The following GAB1 variants were observed in gnomAD, a reference collection of about 807,000 sequenced individuals.
GAB1 encodes GRB2-associated-binding protein 1.
A neutral mutation model predicts 66.5 loss-of-function variants in GAB1; 19 were observed. That is an observed-to-expected ratio of 0.29 (90% confidence interval 0.20 to 0.42). The LOEUF (loss-of-function observed/expected upper bound fraction) is 0.42, where lower values mean the gene tolerates loss of function less well. Among genes scored for constraint, GAB1 ranks in the 10% least tolerant of loss-of-function variants. The probability of loss-of-function intolerance (pLI) is 1.00; values close to 1 mark genes in which losing one functional copy is unlikely to be tolerated. For missense variants in GAB1, 732 were observed against 858.5 expected (o/e 0.85, Z 1.84); for synonymous variants, 294 against 301.4 (o/e 0.98, Z 0.25).
intron 2 of GAB1, among the ~76,000 whole-genome samples, chr4:143,428,171 C>T (rs965865946): frequency 3.9e-5 from 6 of 152,244 alleles, no homozygotes; most frequent in Non-Finnish European, 8.8e-5. Context: ...GGATAAGTCA[C>T]ACTCACCTGA....
chr4:143,363,787 C>A (rs1427478647), intron 1 of GAB1, among the ~76,000 whole-genome samples: 1 of 152,116 alleles, frequency 6.6e-6, no homozygotes, highest in Non-Finnish European at 1.5e-5. Context: ...GCTGCCTTTG[C>A]TCTGGTGGTC....
rs543025689 is a variant in GAB1 at position 143,435,662 on chromosome 4, G to T, written c.593+1946G>T. The stretch of plus-strand genomic sequence containing the variant: ...CACTATGTGCCCAATATTATGCTAG[G>T]TGCTATGAAGGTACAAACTATATAA... On this transcript the variant is annotated intron_variant, in intron 3 of 9. Transcript: ENST00000262994. Among the ~76,000 whole-genome samples, 35 of 152,272 alleles carry T rather than the reference G, an allele frequency of 2.3e-4. No individual in the cohort carries two copies. In the South Asian group the frequency reaches 4.8e-3, roughly 21 times the overall value.
intron 1 of GAB1, among the ~76,000 whole-genome samples, chr4:143,348,630 C>T (rs1252371242): frequency 6.6e-6 from 1 of 152,270 alleles, no homozygotes; most frequent in African/African-American, 2.4e-5. Context: ...CTTATCAAGG[C>T]AGCCAGAGTG....
intron 3 of GAB1, chr4:143,434,056 C>A: frequency 8.9e-7 from 1 of 1,125,304 alleles, no homozygotes; most frequent in Non-Finnish European, 1.2e-6. Flanking sequence ...AAATGGTGAT[C>A]TTGCTCCATT....
intron 1 of GAB1, among the ~76,000 whole-genome samples, chr4:143,350,602 C>T (rs995788569): frequency 2.0e-5 from 3 of 147,422 alleles, no homozygotes; most frequent in Non-Finnish European, 3.0e-5. Flanking sequence ...CGCTTGAACC[C>T]GGGAGGCGGA....
intron 6 of GAB1, among the ~76,000 whole-genome samples, chr4:143,454,539 A>G (rs1299296652): frequency 6.6e-6 from 1 of 152,216 alleles, no homozygotes; most frequent in Non-Finnish European, 1.5e-5. Context: ...GGAGCTGGCA[A>G]GATCTGATTG....
intron 2 of GAB1, chr4:143,417,340 G>T: frequency 2.8e-6 from 1 of 356,152 alleles, no homozygotes; most frequent in Non-Finnish European, 5.4e-6. Context: ...CCTGGAAAGA[G>T]CTGAGTGACT....
chr4:143,431,942 GAA>G, intron 2 of GAB1, among the ~76,000 whole-genome samples: 1 of 144,562 alleles, frequency 6.9e-6, no homozygotes, highest in South Asian at 2.2e-4. Flanking sequence ...TCTGAAAAAA[GAA>G]AAAAAAAAGG....
chr4:143,356,623 C>G (rs186052006), intron 1 of GAB1, among the ~76,000 whole-genome samples: 2 of 152,284 alleles, frequency 1.3e-5, no homozygotes, highest in East Asian at 1.9e-4. Flanking sequence ...TCAGTAATCT[C>G]AGTTAGCAAG....
At chr4:143,410,025 G>T (rs1383112566) in intron 1 of GAB1, among the ~76,000 whole-genome samples, 1 of 151,096 alleles carries the variant, frequency 6.6e-6, no homozygotes, top group Non-Finnish European at 1.5e-5. Context: ...CTACAATTTA[G>T]TTGGCTTAAG....
rs1381947021 is a variant in GAB1, at chr4:143,353,832, C to G, written c.72+16572C>G. 4.6e-5 allele frequency among the ~76,000 whole-genome samples: 7 copies of G among 152,294 alleles called. No individual in the cohort carries two copies. In the South Asian group the frequency reaches 1.4e-3, roughly 32 times the overall value. The stretch of plus-strand genomic sequence containing the variant: ...TAGAAACCCAGGTTGTACTTTAGAA[C>G]TTTTCACCACTATAGTATATTAACT... On this transcript the variant is annotated intron_variant, in intron 1 of 9. Transcript: ENST00000262994.
intron 6 of GAB1, among the ~76,000 whole-genome samples, chr4:143,452,052 G>A (rs955381631): frequency 4.6e-5 from 7 of 152,098 alleles, no homozygotes; most frequent in Non-Finnish European, 8.8e-5. Flanking sequence ...CTAGCTTTAC[G>A]TTTTGCCTTG....
intron 3 of GAB1, 110 bp downstream of exon 3, chr4:143,433,826 G>T: frequency 2.3e-6 from 2 of 854,996 alleles, no homozygotes; most frequent in South Asian, 1.6e-5. Context: ...GCTTGAAAGA[G>T]ACCATCTGTA....
At chr4:143,422,485 A>G (rs1022734982) in intron 2 of GAB1, among the ~76,000 whole-genome samples, 8 of 152,200 alleles carry the variant, frequency 5.3e-5, no homozygotes, top group African/African-American at 1.9e-4. Flanking sequence ...AGCCTATCAC[A>G]TCAAGTTTGA....
intron 8 of GAB1, 132 bp from the exon 9 acceptor site, chr4:143,465,971 C>T (rs1735757739): frequency 3.3e-6 from 3 of 901,928 alleles, no homozygotes; most frequent in Non-Finnish European, 5.0e-6. Context: ...TCTTTCTATC[C>T]TAAAAGGTTG....
intron 1 of GAB1, among the ~76,000 whole-genome samples, chr4:143,408,155 A>G (rs189683352): frequency 6.6e-6 from 1 of 152,322 alleles, no homozygotes; most frequent in East Asian, 1.9e-4. Context: ...GTATCCCGGA[A>G]TTCTATATTT....
At chr4:143,460,587 C>T (rs1735438705) in intron 8 of GAB1, 100 bp downstream of exon 8, 2 of 1,079,036 alleles carry the variant, frequency 1.9e-6, no homozygotes, top group African/African-American at 1.6e-5. Flanking sequence ...TCTTTATATA[C>T]TTAAGAAAAA....
At chr4:143,359,580 T>C (rs1048611376) in intron 1 of GAB1, among the ~76,000 whole-genome samples, 1 of 152,364 alleles carries the variant, frequency 6.6e-6, no homozygotes, top group East Asian at 1.9e-4. Context: ...TTTAACATTA[T>C]GAAAAGTTGT....
At chr4:143,375,615 G>T (rs552813054) in intron 1 of GAB1, among the ~76,000 whole-genome samples, 1 of 152,320 alleles carries the variant, frequency 6.6e-6, no homozygotes, top group Admixed American at 6.5e-5. Context: ...TCCTTTTTAG[G>T]AGTTAAAAGT....
Sources: allele counts gnomAD v4.1 joint callset (sites outside exome capture counted in the v4.1 genomes callset), GRCh38; gene constraint gnomAD v4.1.1; transcripts MANE v1.5; gene names NCBI Gene and HGNC (gene_info 2026-07-23, HGNC 2026-07-21).